ZPBP: variants seen among roughly 807,000 people sequenced by gnomAD.
The protein encoded by ZPBP is zona pellucida binding protein, also known as zona pellucida-binding protein 1.
ZPBP carries 26 observed loss-of-function variants against 44.8 expected under a neutral mutation model. That is an observed-to-expected ratio of 0.58 (90% CI 0.43 to 0.81). The LOEUF is 0.81. Ranked by LOEUF, ZPBP falls within the 30% of genes least tolerant of loss-of-function variation. ZPBP has a pLI of 0.00. For missense variants in ZPBP, 409 were observed against 434.0 expected (o/e 0.94, Z 0.51); for synonymous variants, 174 against 153.2 (o/e 1.14, Z -1.00).
At chr7:49,962,426 T>C (rs547856315) in intron 7 of ZPBP, among the ~76,000 whole-genome samples, 128 of 151,926 alleles carry the variant, frequency 8.4e-4, no homozygotes, top group African/African-American at 2.8e-3. Flanking sequence ...TAAAAGACAT[T>C]AGGAAAAATT....
intron 7 of ZPBP, chr7:49,942,248 C>A (rs1794920018): frequency 1.0e-5 from 2 of 199,364 alleles, no homozygotes; most frequent in South Asian, 9.5e-5. Flanking sequence ...TTAAACGTTA[C>A]TGCTAATATC....
At chr7:50,009,765 A>C (rs1189708251) in intron 6 of ZPBP, among the ~76,000 whole-genome samples, 1 of 152,162 alleles carries the variant, frequency 6.6e-6, no homozygotes, top group Non-Finnish European at 1.5e-5. Context: ...AAATGAAAAA[A>C]GTCTAGAATA....
intron 1 of ZPBP, among the ~76,000 whole-genome samples, chr7:49,930,614 T>A (rs1316296357): frequency 1.3e-5 from 2 of 152,176 alleles, no homozygotes; most frequent in Non-Finnish European, 2.9e-5. Context: ...ATAAAATATG[T>A]ATTCTGATAT....
At chr7:49,845,454 A>C (rs1789916579), downstream of ZPBP, among the ~76,000 whole-genome samples, 1 of 152,208 alleles carries the variant, frequency 6.6e-6, no homozygotes, top group Admixed American at 6.5e-5. Context: ...GTGAGATAGC[A>C]AACCCTTGAC....
intron 7 of ZPBP, among the ~76,000 whole-genome samples, chr7:49,965,032 G>A (rs1018868382): frequency 6.6e-5 from 10 of 152,076 alleles, no homozygotes. Flanking sequence ...ATGACAGGCT[G>A]ACAGTCAGAA....
At chr7:49,937,722 A>C (rs923449197) in intron 7 of ZPBP, 100 bp from the exon 8 acceptor site, 2 of 949,894 alleles carry the variant, frequency 2.1e-6, no homozygotes, top group Non-Finnish European at 3.3e-6. Context: ...AGTAGTATTA[A>C]GCATATTCAC....
At chr7:49,993,022 G>C (rs1251630634) in intron 6 of ZPBP, among the ~76,000 whole-genome samples, 1 of 152,048 alleles carries the variant, frequency 6.6e-6, no homozygotes, top group Non-Finnish European at 1.5e-5. Flanking sequence ...AGGTTCTTAA[G>C]GCCTTGTATA....
intron 2 of ZPBP, among the ~76,000 whole-genome samples, chr7:49,869,772 T>C (rs756626682): frequency 4.6e-5 from 7 of 152,066 alleles, no homozygotes; most frequent in Non-Finnish European, 1.0e-4. Flanking sequence ...TCCAAGAGAA[T>C]TGGATGTGCA....
intron 2 of ZPBP, among the ~76,000 whole-genome samples, chr7:49,877,156 C>T (rs763757609): frequency 4.6e-5 from 7 of 151,846 alleles, no homozygotes; most frequent in Non-Finnish European, 4.4e-5. Context: ...CACATAGTCT[C>T]AGTGCTCAAA....
At chr7:49,844,486 A>C in the ZPBP span, among the ~76,000 whole-genome samples, 2 of 152,274 alleles carry the variant, frequency 1.3e-5, no homozygotes, top group East Asian at 1.9e-4. Flanking sequence ...TATTTATACT[A>C]TGTTACTCAA....
At chr7:49,906,008 C>T in intron 1 of ZPBP, among the ~76,000 whole-genome samples, 1 of 152,152 alleles carries the variant, frequency 6.6e-6, no homozygotes, top group East Asian at 1.9e-4. Context: ...ATTGCCCACC[C>T]TTTCCCAGAA....
At chr7:49,980,173 A>G (rs1447430083) in intron 7 of ZPBP, among the ~76,000 whole-genome samples, 1 of 117,278 alleles carries the variant, frequency 8.5e-6, no homozygotes, top group East Asian at 2.2e-4. Context: ...ATTATAATTT[A>G]ATTAATAAAA....
chr7:50,054,352 T>C (rs1025243438), intron 4 of ZPBP, among the ~76,000 whole-genome samples: 4 of 151,844 alleles, frequency 2.6e-5, no homozygotes, highest in South Asian at 4.2e-4. Context: ...AAGACTAGTA[T>C]CCAGAATAGC....
At chr7:50,064,127 A>T (rs1801386820) in intron 3 of ZPBP, among the ~76,000 whole-genome samples, 1 of 152,188 alleles carries the variant, frequency 6.6e-6, no homozygotes. Flanking sequence ...GAGAAATTTT[A>T]AAGCTGGGCA....
intron 4 of ZPBP, among the ~76,000 whole-genome samples, chr7:50,043,081 C>T (rs1443085292): frequency 1.3e-5 from 2 of 152,208 alleles, no homozygotes; most frequent in Non-Finnish European, 2.9e-5. Context: ...AAAGGCCTTC[C>T]TAAACCACAA....
chr7:50,093,095 C>T lies in ZPBP; in HGVS notation c.100G>A (p.Ala34Thr). 1 of 1,599,466 alleles carries T rather than the reference C, an allele frequency of 6.3e-7. No homozygotes were observed. Residue 34 changes from alanine (A) to threonine (T), a missense_variant, in exon 1 of 8, where the codon GCC becomes ACC. Transcript: ENST00000046087. ...SRAAILLFIS[A>T]FLVRVPSSVG... ...GATGAGGGCACCCGCACCAGGAAGG[C>T]GGAGATAAAGAGGAGGATGGCGGCC...
rs181344259 is a variant in ZPBP, at chr7:50,024,270, T to C, written c.707-5954A>G. On this transcript the variant is annotated intron_variant, in intron 5 of 7. Coordinates refer to ENST00000046087, the MANE Select transcript of ZPBP (RefSeq NM_007009.3). ...TAGAGGTTACTAAAGAAATTAAAAA[T>C]AGAACTACCATTTGACCAAGCAATC... Among the ~76,000 whole-genome samples the C allele has an allele frequency of 1.2e-3, 179 of 152,034 alleles. 2 individuals are homozygous for C. The highest frequency in any genetic ancestry group is 4.1e-3 in the African/African-American group (172 of 41,548).
In ZPBP at chr7:50,081,861, C is replaced by T. The variant is rs377000083; in HGVS notation, c.247G>A (p.Val83Met). 303 of 1,611,196 alleles carry T rather than the reference C, an allele frequency of 1.9e-4. No homozygotes were observed. The highest frequency in any genetic ancestry group is 2.4e-4 in the Non-Finnish European group (277 of 1,178,092). ...YVMLHQKSPH[V>M]LCVTQQLRNA... The stretch of plus-strand genomic sequence containing the variant: ...CGCAGTTGTTGCGTTACACATAACA[C>T]GTGTGGACTCTTTTGATGGAGCATG... The change falls in exon 3 of 8, where the codon GTG (valine) becomes ATG (methionine). Residue 83 changes from valine (V) to methionine (M), a missense_variant. Physicochemically the swap from Val to Met is conservative, Grantham distance 21. Around this residue, in one of 2 missense-constraint regions of ZPBP, gnomAD observed 367 missense variants for 363.1 expected, o/e 1.01. Transcript: ENST00000046087.
chr7:50,050,342 G>A (rs1309796273), intron 4 of ZPBP, among the ~76,000 whole-genome samples: 1 of 151,918 alleles, frequency 6.6e-6, no homozygotes, highest in African/African-American at 2.4e-5. Flanking sequence ...TTGGTGCTGA[G>A]GTTTTCTATA....
Sources: gnomAD v4.1 joint callset for allele counts (sites outside exome capture counted in the v4.1 genomes callset) on GRCh38, gnomAD v4.1.1 for gene constraint, gnomAD v4.1.1 regional missense constraint, MANE v1.5 for transcripts, NCBI Gene and HGNC (gene_info 2026-07-23, HGNC 2026-07-21) for gene names.